The following PIK3C3 variants were observed in gnomAD, a reference collection of about 807,000 sequenced individuals.
PIK3C3 encodes PI3-kinase type 3.
In PIK3C3, 95 loss-of-function variants were observed where a neutral mutation model predicts 126.1. The ratio of observed to expected loss-of-function variants is 0.75; its 90% confidence interval spans 0.64 to 0.89. PIK3C3 has a LOEUF of 0.89. Among genes scored for constraint, PIK3C3 ranks in the 40% least tolerant of loss-of-function variants. The pLI, the probability that PIK3C3 is intolerant of heterozygous loss-of-function variation, is 0.00. For missense variants in PIK3C3, 829 were observed against 1,063.2 expected (o/e 0.78, Z 3.06); for synonymous variants, 374 against 360.0 (o/e 1.04, Z -0.44).
chr18:42,020,778 A>G (rs1983286261), intron 13 of PIK3C3, 73 bp downstream of exon 13: 2 of 822,750 alleles, frequency 2.4e-6, no homozygotes, highest in African/African-American at 1.7e-5. Context: ...TATAAACACA[A>G]AGATGATTTA....
At chr18:42,076,424 G>A (rs994847212) in intron 24 of PIK3C3, among the ~76,000 whole-genome samples, 1 of 151,876 alleles carries the variant, frequency 6.6e-6, no homozygotes, top group African/African-American at 2.4e-5. Context: ...ACAAGTAAGT[G>A]TGATATATAA....
chr18:42,016,481 T>C (rs1046151158), intron 12 of PIK3C3, among the ~76,000 whole-genome samples: 23 of 152,266 alleles, frequency 1.5e-4, no homozygotes, highest in African/African-American at 5.3e-4. Flanking sequence ...GGAACTGTTC[T>C]ACATGCTGGG....
Position 42,081,039 on chromosome 18 carries a change from CT to C in PIK3C3, c.2650-78del, listed in dbSNP as rs976750928. On this transcript the variant is annotated intron_variant, in intron 24 of 24. Coordinates refer to ENST00000262039, the MANE Select transcript of PIK3C3 (RefSeq NM_002647.4). ...ATGCACTTTTTATTTTATTAGTAGT[CT>C]TTTTTAAAACTATAGACTATTGTTT... The C allele has an allele frequency of 1.9e-5, 15 of 801,374 alleles. No individual in the cohort carries two copies. The African/African-American group carries it at 2.5e-4, about 13-fold the overall frequency. 49.6% of individuals were successfully genotyped at this position (801,374 alleles called of 1,614,324 possible).
intron 4 of PIK3C3, chr18:41,985,203 A>T (rs1274898460): frequency 6.6e-6 from 1 of 152,162 alleles, no homozygotes; most frequent in Non-Finnish European, 1.5e-5. Context: ...AAATTATTTA[A>T]ATGTCTCTCA....
Position 42,004,524 on chromosome 18 carries a change from C to T in PIK3C3, c.1153C>T (p.Arg385Ter), listed in dbSNP as rs375465653. 38 of 1,592,258 alleles carry T rather than the reference C, an allele frequency of 2.4e-5. No homozygotes were observed. Among genetic ancestry groups the T allele is most frequent in the African/African-American group, 4.1e-5 (3 of 73,372 alleles). The change falls in exon 10 of 25, where the codon CGA (arginine) becomes TGA (stop). Residue 385 changes from arginine to a stop codon, truncating the protein, a stop_gained. Coordinates refer to ENST00000262039, the MANE Select transcript of PIK3C3 (RefSeq NM_002647.4). LOFTEE classifies it high-confidence loss of function. ...TVRRYAVARL[R>*]QADDEDLLMY... ...GAGGCGTTATGCTGTTGCCCGGTTG[C>T]GACAGGCCGATGATGAGGTGCATTA...
At chr18:42,027,602 C>G (rs1983629502) in intron 14 of PIK3C3, 54 bp downstream of exon 14, 1 of 963,130 alleles carries the variant, frequency 1.0e-6, no homozygotes, top group Admixed American at 1.8e-5. Flanking sequence ...CAAATTCAGC[C>G]TGTTGCCTGT....
At chr18:42,000,941 A>G (rs553861720) in intron 9 of PIK3C3, among the ~76,000 whole-genome samples, 4 of 152,328 alleles carry the variant, frequency 2.6e-5, no homozygotes, top group East Asian at 1.9e-4. Context: ...CAGTAAGGAT[A>G]TATCGCAAGT....
intron 20 of PIK3C3, among the ~76,000 whole-genome samples, chr18:42,044,709 C>T (rs1280709612): frequency 1.3e-5 from 2 of 152,142 alleles, no homozygotes; most frequent in East Asian, 3.9e-4. Flanking sequence ...CATGAGCCAC[C>T]ATCCCCAGCA....
chr18:41,982,237 C>A (rs1232325773), intron 4 of PIK3C3, among the ~76,000 whole-genome samples: 2 of 152,040 alleles, frequency 1.3e-5, no homozygotes, highest in African/African-American at 2.4e-5. Context: ...AGGTAATTGA[C>A]AAAATGCAAC....
At chr18:42,036,502 A>G (rs1013009148) in intron 16 of PIK3C3, among the ~76,000 whole-genome samples, 3 of 151,744 alleles carry the variant, frequency 2.0e-5, no homozygotes, top group Admixed American at 6.6e-5. Context: ...TTTCTTCTCA[A>G]TGACCAAACT....
At chr18:42,010,523 G>T (rs1291528762) in intron 10 of PIK3C3, among the ~76,000 whole-genome samples, 2 of 151,942 alleles carry the variant, frequency 1.3e-5, no homozygotes, top group Non-Finnish European at 1.5e-5. Context: ...ATGCCACTGC[G>T]CCCACCTAAT....
chr18:41,972,396 T>G (rs183587804), intron 4 of PIK3C3, among the ~76,000 whole-genome samples: 1 of 152,202 alleles, frequency 6.6e-6, no homozygotes, highest in Admixed American at 6.5e-5. Context: ...TTTCAAGAGA[T>G]AGTTATTAAA....
intron 20 of PIK3C3, among the ~76,000 whole-genome samples, chr18:42,048,873 T>TA (rs1007864545): frequency 1.3e-5 from 2 of 152,148 alleles, no homozygotes; most frequent in African/African-American, 4.8e-5. Context: ...TAAACATAGT[T>TA]AAAAAAACAA....
At chr18:42,027,363 T>C in intron 13 of PIK3C3, 80 bp from the exon 14 acceptor site, 1 of 684,582 alleles carries the variant, frequency 1.5e-6, no homozygotes, top group East Asian at 3.1e-5. Context: ...TTAATCTGTT[T>C]TAGTGAAATG....
At position 42,081,770 on chromosome 18, in the gene PIK3C3, T is replaced by C. The variant is rs1285012646; in HGVS notation, c.*633T>C. 4 of 152,232 alleles carry C rather than the reference T, an allele frequency of 2.6e-5. No homozygotes were observed. The highest frequency in any genetic ancestry group is 9.6e-5 in the African/African-American group (4 of 41,466). The allele number at this position is 152,232 out of a possible 1,614,324, so 9.4% of individuals were successfully genotyped here. A position where few individuals can be genotyped will look rare whatever the true frequency, so the allele number is the denominator to read the frequency against. ...TTAATTTTTTGTAAACTACAGTTAA[T>C]AGTTCTTCTAGCTTGTAAGTGTGTA... On this transcript the variant is annotated 3_prime_UTR_variant, in exon 25 of 25. Coordinates refer to ENST00000262039, the MANE Select transcript of PIK3C3 (RefSeq NM_002647.4).
intron 21 of PIK3C3, among the ~76,000 whole-genome samples, chr18:42,054,837 T>G (rs1012770951): frequency 6.6e-6 from 1 of 152,110 alleles, no homozygotes; most frequent in African/African-American, 2.4e-5. Context: ...ATAAGTAGAC[T>G]TTTGCTTGGT....
In PIK3C3 at chr18:42,015,497, C is replaced by T. The variant is rs1211995053; in HGVS notation, c.1347C>T (p.Pro449=). 1 of 1,613,452 alleles carries T rather than the reference C, an allele frequency of 6.2e-7. No individual in the cohort carries two copies. Among genetic ancestry groups the T allele is most frequent in the South Asian group, 1.1e-5 (1 of 91,056 alleles). ...TCAGCTCCCAAATTATAACCAGCCC[C>T]CTTCCTTCAGTCTCTTCACCTCCTC... is the stretch of plus-strand genomic sequence containing the variant. ...EIDSSQIITS[P]LPSVSSPPPA... Residue 449 remains proline (P), a synonymous_variant, in exon 12 of 25, where the codon CCC becomes CCT. Coordinates refer to ENST00000262039, the MANE Select transcript of PIK3C3 (RefSeq NM_002647.4).
intron 4 of PIK3C3, among the ~76,000 whole-genome samples, chr18:41,973,757 T>A (rs1185446391): frequency 6.6e-6 from 1 of 152,114 alleles, no homozygotes; most frequent in Admixed American, 6.5e-5. Flanking sequence ...AGTATTTGTA[T>A]GCCTCCTGCT....
intron 24 of PIK3C3, among the ~76,000 whole-genome samples, chr18:42,070,820 G>A (rs1985742747): frequency 6.6e-6 from 1 of 152,108 alleles, no homozygotes; most frequent in Non-Finnish European, 1.5e-5. Flanking sequence ...TTGAGTTATT[G>A]GCGTGTACCT....
Sources: gnomAD v4.1 joint callset for allele counts (sites outside exome capture counted in the v4.1 genomes callset) on GRCh38, gnomAD v4.1.1 for gene constraint, MANE v1.5 for transcripts, NCBI Gene and HGNC (gene_info 2026-07-23, HGNC 2026-07-21) for gene names.